The following NDFIP1 variants were observed in gnomAD, a reference collection of about 807,000 sequenced individuals.
NDFIP1 encodes the protein NEDD4 family-interacting protein 1.
In NDFIP1, 7 loss-of-function variants were observed where a neutral mutation model predicts 28.8. The ratio of observed to expected loss-of-function variants is 0.24; its 90% CI spans 0.14 to 0.46. The LOEUF (loss-of-function observed/expected upper bound fraction) is 0.46. NDFIP1 is among the 20% of genes least tolerant of loss of function. The pLI is 0.99. For synonymous variants in NDFIP1, 92 were observed against 101.0 expected (o/e 0.91, Z 0.53); for missense variants, 194 against 269.1 (o/e 0.72, Z 1.95).
At chr5:142,121,014 G>T (rs1273926183) in intron 1 of NDFIP1, among the ~76,000 whole-genome samples, 1 of 152,194 alleles carries the variant, frequency 6.6e-6, no homozygotes, top group East Asian at 1.9e-4. Flanking sequence ...CTCACTATCA[G>T]AGCTGAGCAG....
chr5:142,143,755 CTT>C (rs930692139), intron 6 of NDFIP1: 1 of 152,168 alleles, frequency 6.6e-6, no homozygotes, highest in Non-Finnish European at 1.5e-5. Context: ...AATCCCAACT[CTT>C]TGGGAGGCTG....
At chr5:142,110,810 T>C (rs1001943313) in intron 1 of NDFIP1, among the ~76,000 whole-genome samples, 1 of 152,108 alleles carries the variant, frequency 6.6e-6, no homozygotes, top group East Asian at 1.9e-4. Context: ...AAAGCTAATA[T>C]TGATTTTTTT....
intron 1 of NDFIP1, among the ~76,000 whole-genome samples, chr5:142,124,571 C>T (rs140066658): frequency 1.3e-5 from 2 of 152,262 alleles, no homozygotes; most frequent in African/African-American, 2.4e-5. Context: ...GCTTTACAAA[C>T]GGTTAGCTTT....
chr5:142,111,586 C>T (rs1757014682), intron 1 of NDFIP1, among the ~76,000 whole-genome samples: 2 of 152,188 alleles, frequency 1.3e-5, no homozygotes, highest in Admixed American at 1.3e-4. Context: ...TTGGTTGTCA[C>T]ACAGGGCTGT....
At chr5:142,116,665 T>G (rs1458210138) in intron 1 of NDFIP1, among the ~76,000 whole-genome samples, 5 of 152,006 alleles carry the variant, frequency 3.3e-5, no homozygotes, top group African/African-American at 1.2e-4. Context: ...CCAGGCTACC[T>G]TCATATGTAT....
At chr5:142,141,648 A>G (rs1425188864) in intron 6 of NDFIP1, among the ~76,000 whole-genome samples, 3 of 152,156 alleles carry the variant, frequency 2.0e-5, no homozygotes, top group Non-Finnish European at 4.4e-5. Flanking sequence ...CATTTCTACA[A>G]AAGAATAACA....
chr5:142,115,960 G>A (rs569890259), intron 1 of NDFIP1, among the ~76,000 whole-genome samples: 1 of 152,162 alleles, frequency 6.6e-6, no homozygotes, highest in Non-Finnish European at 1.5e-5. Context: ...AGTGTTATAA[G>A]TAAAGATGAT....
At chr5:142,132,512 A>G (rs980746957) in intron 3 of NDFIP1, among the ~76,000 whole-genome samples, 170 bp downstream of exon 3, 2 of 152,240 alleles carry the variant, frequency 1.3e-5, no homozygotes, top group African/African-American at 4.8e-5. Flanking sequence ...CTTCTTAAAA[A>G]TGATGAGGTA....
chr5:142,142,235 G>A (rs558150379), intron 6 of NDFIP1, among the ~76,000 whole-genome samples: 34 of 152,092 alleles, frequency 2.2e-4, no homozygotes, highest in Admixed American at 9.8e-4. Context: ...ATCATTCATC[G>A]CACCATCTAC....
At chr5:142,139,618 T>A (rs1316993900) in intron 5 of NDFIP1, among the ~76,000 whole-genome samples, 2 of 152,204 alleles carry the variant, frequency 1.3e-5, no homozygotes, top group African/African-American at 4.8e-5. Flanking sequence ...GCCCTCAATT[T>A]CCACTGGTCA....
intron 7 of NDFIP1, among the ~76,000 whole-genome samples, chr5:142,147,087 A>G (rs1180803399): frequency 6.6e-6 from 1 of 152,154 alleles, no homozygotes; most frequent in Non-Finnish European, 1.5e-5. Flanking sequence ...AGGGCATAAT[A>G]GAGTTTATTT....
chr5:142,145,651 G>A (rs921782266), intron 7 of NDFIP1, among the ~76,000 whole-genome samples: 3 of 152,154 alleles, frequency 2.0e-5, no homozygotes, highest in East Asian at 3.8e-4. Context: ...AGCAAAAATA[G>A]GGAAGTATGG....
At chr5:142,125,747 C>T (rs112058916) in intron 1 of NDFIP1, among the ~76,000 whole-genome samples, 1 of 152,290 alleles carries the variant, frequency 6.6e-6, no homozygotes, top group Non-Finnish European at 1.5e-5. Flanking sequence ...ATTAGAGTTC[C>T]CGTTTCTCCA....
At chr5:142,115,341 T>C (rs1417535967) in intron 1 of NDFIP1, among the ~76,000 whole-genome samples, 1 of 152,198 alleles carries the variant, frequency 6.6e-6, no homozygotes, top group Non-Finnish European at 1.5e-5. Context: ...TGGAAGGCAA[T>C]GGCGCGATCT....
intron 5 of NDFIP1, among the ~76,000 whole-genome samples, chr5:142,139,272 G>C (rs1757304752): frequency 6.6e-6 from 1 of 151,566 alleles, no homozygotes; most frequent in Non-Finnish European, 1.5e-5. Context: ...GGATGCTTTT[G>C]ACTGTGAGTA....
At chr5:142,112,631 A>T (rs1757026588) in intron 1 of NDFIP1, among the ~76,000 whole-genome samples, 1 of 150,586 alleles carries the variant, frequency 6.6e-6, no homozygotes, top group Admixed American at 6.6e-5. Context: ...CTCTACTAAA[A>T]ATACAAAAAA....
rs1757063374 is a variant in NDFIP1 at position 142,115,992 on chromosome 5, A to T, written c.63+6955A>T. Reference sequence around the variant, plus strand: ...TGATTTAAAGTACATGAGGTAGGTTATGTGTAAATACTATACCATTTTATG... The same window carrying T: ...TGATTTAAAGTACATGAGGTAGGTTTTGTGTAAATACTATACCATTTTATG... On this transcript the variant is annotated intron_variant, in intron 1 of 7. Transcript: ENST00000253814. Among the ~76,000 whole-genome samples the T allele has an allele frequency of 2.0e-5, 3 of 152,230 alleles. No individual in the cohort carries two copies. The South Asian group carries it at 6.2e-4, about 32-fold the overall frequency.
At chr5:142,127,062 CT>C (rs1359158348) in intron 1 of NDFIP1, among the ~76,000 whole-genome samples, 1 of 152,140 alleles carries the variant, frequency 6.6e-6, no homozygotes, top group Non-Finnish European at 1.5e-5. Flanking sequence ...GTCGCCCAGG[CT>C]GAAGTGCAGT....
chr5:142,147,696 T>G (rs892820656), intron 7 of NDFIP1, among the ~76,000 whole-genome samples: 2 of 152,228 alleles, frequency 1.3e-5, no homozygotes, highest in Admixed American at 6.5e-5. Context: ...AAAGGATAAA[T>G]TTGATCTTAT....
Sources: allele counts gnomAD v4.1 joint callset (sites outside exome capture counted in the v4.1 genomes callset), GRCh38; gene constraint gnomAD v4.1.1; transcripts MANE v1.5; gene names NCBI Gene and HGNC (gene_info 2026-07-23, HGNC 2026-07-21).